The following EFR3A variants were observed in gnomAD, a reference collection of about 807,000 sequenced individuals.
EFR3A encodes the protein protein EFR3 homolog A.
Under a neutral mutation model 104.4 loss-of-function variants are expected in EFR3A, and 76 were observed. The ratio of observed to expected loss-of-function variants is 0.73; its 90% CI spans 0.60 to 0.88. The LOEUF (loss-of-function observed/expected upper bound fraction) is 0.88, where lower values mean the gene tolerates loss of function less well. Among genes scored for constraint, EFR3A ranks in the 40% least tolerant of loss-of-function variants. The pLI is 0.00. For synonymous variants in EFR3A, 330 were observed against 330.0 expected, an observed-to-expected ratio of 1.00 and a Z score of 0.00; for missense variants, 985 against 1,012.5, an observed-to-expected ratio of 0.97 and a Z score of 0.37.
chr8:131,937,742 A>G (rs1276701664), intron 1 of EFR3A, among the ~76,000 whole-genome samples: 1 of 151,680 alleles, frequency 6.6e-6, no homozygotes, highest in East Asian at 1.9e-4. Context: ...TAGACTTGCC[A>G]GTTGTTGGAG....
At chr8:131,908,073 T>C (rs1816337930) in intron 1 of EFR3A, among the ~76,000 whole-genome samples, 1 of 151,852 alleles carries the variant, frequency 6.6e-6, no homozygotes, top group African/African-American at 2.4e-5. Flanking sequence ...TTTTTTTTCT[T>C]TTTTTGAGAG....
rs1398362069 is a variant in EFR3A at position 132,013,590 on chromosome 8, A to G, written c.*2695A>G. The G allele has an allele frequency of 6.6e-6, 1 of 152,590 alleles. No individual in the cohort carries two copies. The highest frequency in any genetic ancestry group is 2.4e-5 in the African/African-American group (1 of 41,452). 9.5% of individuals were successfully genotyped at this position (152,590 alleles called of 1,614,324 possible). On this transcript the variant is annotated 3_prime_UTR_variant, in exon 23 of 23. Coordinates refer to ENST00000254624, the MANE Select transcript of EFR3A (RefSeq NM_015137.6). Reference sequence around the variant, plus strand: ...ATTATTTGTATATAAGTTCATTTTTATAGCTATTGTTACATTTAATTAAAT... The same window carrying G: ...ATTATTTGTATATAAGTTCATTTTTGTAGCTATTGTTACATTTAATTAAAT...
At chr8:131,926,824 A>G (rs1817322816) in intron 1 of EFR3A, among the ~76,000 whole-genome samples, 1 of 152,160 alleles carries the variant, frequency 6.6e-6, no homozygotes, top group African/African-American at 2.4e-5. Flanking sequence ...TATGTACTTT[A>G]AGTGTGGGAG....
intron 20 of EFR3A, 137 bp from the exon 21 acceptor site, chr8:132,002,466 T>A (rs922236471): frequency 1.5e-6 from 1 of 650,894 alleles, no homozygotes; most frequent in East Asian, 2.9e-5. Flanking sequence ...ATGTTAGGCC[T>A]TTTTATTTTT....
rs369573495 is a variant in EFR3A, at chr8:131,944,855, T to C, written c.198T>C (p.Val66=). ...TGGCAGAAAGGTTGAGCAGGGATGT[T>C]GTCAGACATCGTTCTGGGTAAGGAA... ...SYLAERLSRD[V]VRHRSGYVLI... Residue 66 remains valine, a synonymous_variant, in exon 3 of 23, where the codon GTT becomes GTC. Transcript: ENST00000254624. 12 of 1,610,632 alleles carry C rather than the reference T, an allele frequency of 7.5e-6. No homozygotes were observed. In the African/African-American group the frequency reaches 1.6e-4, roughly 22 times the overall value.
At chr8:131,980,014 C>T (rs1330461358) in intron 14 of EFR3A, among the ~76,000 whole-genome samples, 1 of 152,084 alleles carries the variant, frequency 6.6e-6, no homozygotes, top group Non-Finnish European at 1.5e-5. Flanking sequence ...GGTTATTATT[C>T]GTCCAAAGCT....
intron 2 of EFR3A, among the ~76,000 whole-genome samples, chr8:131,943,211 T>C (rs1160305553): frequency 6.6e-6 from 1 of 152,046 alleles, no homozygotes; most frequent in Non-Finnish European, 1.5e-5. Context: ...TAGCCAAAGT[T>C]GAAACACTTC....
At position 131,979,429 on chromosome 8, in the gene EFR3A, ATCT is replaced by A. The variant is rs750554927; in HGVS notation, c.1575+12_1575+14del. 1.3e-6 allele frequency: 2 copies of A among 1,528,052 alleles called. No individual in the cohort carries two copies. Among genetic ancestry groups the A allele is most frequent in the South Asian group, 1.2e-5 (1 of 83,440 alleles). The allele number at this position is 1,528,052 out of a possible 1,614,324, so 94.7% of individuals were successfully genotyped here. A position where few individuals can be genotyped will look rare whatever the true frequency, so the allele number is the denominator to read the frequency against. ...ACAAGTTTCATGAAAAAGGTAAGAC[ATCT>A]TCTAAAAAAATAAATGTGTAGTGTA... On this transcript the variant is annotated intron_variant, in intron 14 of 22. Transcript: ENST00000254624.
chr8:131,924,356 CATA>C (rs1483278191), intron 1 of EFR3A, among the ~76,000 whole-genome samples: 3 of 151,996 alleles, frequency 2.0e-5, no homozygotes, highest in African/African-American at 7.2e-5. Flanking sequence ...AAAGACTAAT[CATA>C]TAATTACAGT....
At chr8:131,945,877 T>C (rs1233874192) in intron 3 of EFR3A, among the ~76,000 whole-genome samples, 1 of 152,054 alleles carries the variant, frequency 6.6e-6, no homozygotes, top group Admixed American at 6.6e-5. Flanking sequence ...TTAGAACTTA[T>C]TTCTTTTATC....
intron 22 of EFR3A, among the ~76,000 whole-genome samples, chr8:132,004,281 G>C (rs1821928769): frequency 6.6e-6 from 1 of 152,130 alleles, no homozygotes; most frequent in Non-Finnish European, 1.5e-5. Flanking sequence ...ACCTGTACTG[G>C]CCCATGGCCT....
chr8:131,956,245 T>G (rs1265875320), intron 7 of EFR3A, among the ~76,000 whole-genome samples: 2 of 152,218 alleles, frequency 1.3e-5, no homozygotes, highest in Admixed American at 6.5e-5. Flanking sequence ...CTACTAACTT[T>G]CATGGTCAGT....
At position 131,967,832 on chromosome 8, in the gene EFR3A, G is replaced by GTTAAATA. The variant is rs1204804560; in HGVS notation, c.856-462_856-456dup. Among the ~76,000 whole-genome samples the GTTAAATA allele has an allele frequency of 4.0e-5, 6 of 151,898 alleles. No individual in the cohort carries two copies. In the East Asian group the frequency reaches 1.2e-3, roughly 29 times the overall value. On this transcript the variant is annotated intron_variant, in intron 8 of 22. Coordinates refer to ENST00000254624, the MANE Select transcript of EFR3A (RefSeq NM_015137.6). Reference sequence around the variant, plus strand: ...CTCTTTAGCATTGTTAGGTGTCCATGTTAAATAGTATTTATCTAGTTTGGC... The same window carrying GTTAAATA: ...CTCTTTAGCATTGTTAGGTGTCCATGTTAAATATTAAATAGTATTTATCTAGTTTGGC...
chr8:131,926,433 T>A lies in EFR3A; in HGVS notation c.11-14066T>A, dbSNP rs182913561. Among the ~76,000 whole-genome samples, 800 of 152,086 alleles carry A rather than the reference T, an allele frequency of 5.3e-3. 9 individuals are homozygous for A. Among genetic ancestry groups the A allele is most frequent in the African/African-American group, 0.018 (760 of 41,468 alleles). ...GATGAAATTGAAGAAATAAAAAAAA[T>A]TTGTATCTTCTTATTTCGTGTGGTC... On this transcript the variant is annotated intron_variant, in intron 1 of 22. Coordinates refer to ENST00000254624, the MANE Select transcript of EFR3A (RefSeq NM_015137.6).
chr8:131,981,768 C>A (rs1004919235), intron 14 of EFR3A, among the ~76,000 whole-genome samples: 2 of 152,030 alleles, frequency 1.3e-5, no homozygotes, highest in African/African-American at 2.4e-5. Flanking sequence ...ACTACTCCAT[C>A]TGAATGTTTT....
At chr8:131,959,371 G>A (rs184653124) in intron 7 of EFR3A, among the ~76,000 whole-genome samples, 18 of 152,214 alleles carry the variant, frequency 1.2e-4, no homozygotes, top group Non-Finnish European at 2.9e-5. Flanking sequence ...TTGATTAAAT[G>A]TTCACGAAAC....
chr8:131,945,385 G>C (rs1818388191), intron 3 of EFR3A, among the ~76,000 whole-genome samples: 1 of 151,828 alleles, frequency 6.6e-6, no homozygotes, highest in South Asian at 2.1e-4. Context: ...ATAAATAGAA[G>C]TCTACCATCC....
chr8:131,962,214 A>G (rs889383206), intron 8 of EFR3A, among the ~76,000 whole-genome samples: 6 of 152,228 alleles, frequency 3.9e-5, no homozygotes, highest in Admixed American at 3.3e-4. Context: ...TAACAATATT[A>G]ACCTTAAATG....
At chr8:131,966,983 ACT>A (rs1447035087) in intron 8 of EFR3A, among the ~76,000 whole-genome samples, 1 of 152,150 alleles carries the variant, frequency 6.6e-6, no homozygotes, top group Non-Finnish European at 1.5e-5. Context: ...GTATAGTCGT[ACT>A]TTATAATTAT....
Sources: allele counts gnomAD v4.1 joint callset (sites outside exome capture counted in the v4.1 genomes callset), GRCh38; gene constraint gnomAD v4.1.1; transcripts MANE v1.5; gene names NCBI Gene and HGNC (gene_info 2026-07-23, HGNC 2026-07-21).